Variants in KLC4 observed in about 807,000 individuals in gnomAD.
The protein encoded by KLC4 is kinesin light chain 4.
A neutral mutation model predicts 77.2 loss-of-function variants in KLC4; 49 were observed. That is an observed-to-expected ratio of 0.63 (90% CI 0.50 to 0.80). KLC4 has a LOEUF of 0.80. Ranked by LOEUF, KLC4 falls within the 30% of genes least tolerant of loss-of-function variation. The pLI is 0.00. For missense variants in KLC4, 669 were observed against 793.5 expected (o/e 0.84, Z 1.89); for synonymous variants, 274 against 314.5 (o/e 0.87, Z 1.36).
chr6:43,061,587 G>C lies in KLC4; in HGVS notation c.252G>C (p.Glu84Asp), dbSNP rs1298382268. 1 of 1,608,302 alleles carries C rather than the reference G, an allele frequency of 6.2e-7. No individual in the cohort carries two copies. Among genetic ancestry groups the C allele is most frequent in the South Asian group, 1.1e-5 (1 of 90,838 alleles). ...SMENIELGLS[E>D]AQVMLALASH... ...AAAACATTGAGCTCGGGCTGAGTGA[G>C]GCCCAGGTGAGAGGGCAAAGGTGGT... Residue 84 changes from glutamate (E) to aspartate (D), a missense_variant, in exon 2 of 16, where the codon GAG becomes GAC. Glu to Asp is a conservative substitution (Grantham distance 45). Transcript: ENST00000347162.
At chr6:43,071,517 C>T in intron 9 of KLC4, 50 bp from the exon 10 acceptor site, 2 of 1,595,984 alleles carry the variant, frequency 1.3e-6, no homozygotes, top group Non-Finnish European at 8.6e-7. Flanking sequence ...GGCTCTCCGA[C>T]ACTGTCTAGC....
intron 8 of KLC4, 22 bp from the exon 9 acceptor site, chr6:43,071,253 T>C (rs1386686947): frequency 6.6e-7 from 1 of 1,523,296 alleles, no homozygotes; most frequent in Non-Finnish European, 9.1e-7. Context: ...TGTTCCTGTA[T>C]TTTTGCCTTT....
At chr6:43,073,479 T>C in intron 14 of KLC4, 141 bp downstream of exon 14, 1 of 572,630 alleles carries the variant, frequency 1.7e-6, no homozygotes, top group Non-Finnish European at 3.1e-6. Flanking sequence ...GGTGAAACTC[T>C]CTCCTAAAAA....
intron 6 of KLC4, 27 bp downstream of exon 6, chr6:43,067,110 C>T (rs377055284): frequency 1.2e-6 from 2 of 1,602,736 alleles, no homozygotes; most frequent in Non-Finnish European, 1.7e-6. Flanking sequence ...CTCCCCACCC[C>T]ACGCCCCGCA....
chr6:43,065,343 G>A, intron 3 of KLC4: 1 of 326,560 alleles, frequency 3.1e-6, no homozygotes, highest in East Asian at 6.1e-5. Context: ...CAAAGTGCTG[G>A]GATTACAGGC....
At chr6:43,071,432 G>A in intron 9 of KLC4, 58 bp downstream of exon 9, 1 of 1,557,644 alleles carries the variant, frequency 6.4e-7, no homozygotes, top group East Asian at 2.2e-5. Flanking sequence ...TCAGACCAAA[G>A]GTCGGGGGTT....
intron 1 of KLC4, chr6:43,060,308 T>C (rs747869467): frequency 6.2e-7 from 1 of 1,606,718 alleles, no homozygotes; most frequent in Non-Finnish European, 8.5e-7. Context: ...TCTCTCTCAT[T>C]CCCTTCCTGG....
In KLC4 at chr6:43,073,914, G is replaced by A. The variant is rs1765850241; in HGVS notation, c.1758G>A (p.Lys586=). 2.5e-6 allele frequency: 4 copies of A among 1,614,126 alleles called. No homozygotes were observed. The East Asian group carries it at 6.7e-5, about 27-fold the overall frequency. The change falls in exon 15 of 16, where the codon AAG becomes AAA. Residue 586 remains lysine, a synonymous_variant. Transcript: ENST00000347162. ...TTTTCCATTGTAGCAGCAACATGAA[G>A]CGAGCAGCCTCCTTGAACTATCTGA... The part of the protein sequence containing the change: ...TEPRPSSSNM[K]RAASLNYLNQ...
chr6:43,073,354 A>G lies in KLC4; in HGVS notation c.1745+16A>G. The G allele has an allele frequency of 6.3e-7, 1 of 1,581,646 alleles. No individual in the cohort carries two copies. The highest frequency in any genetic ancestry group is 1.9e-4 in the Middle Eastern group (1 of 5,320). On this transcript the variant is annotated intron_variant, in intron 14 of 15. Coordinates refer to ENST00000347162, the MANE Select transcript of KLC4 (RefSeq NM_201521.3). Reference sequence around the variant, plus strand: ...GGCCCTCCAGGTATACATGGAAGTCAAGATACAGTAAAGTGGCCGGGTGCA... The same window carrying G: ...GGCCCTCCAGGTATACATGGAAGTCGAGATACAGTAAAGTGGCCGGGTGCA...
chr6:43,071,390 CTGGGGAAGGGGCTG>C lies in KLC4; in HGVS notation c.1255+25_1255+38del. On this transcript the variant is annotated intron_variant, in intron 9 of 15. Transcript: ENST00000347162. ...TCTGTGGATGGTGAGTGGTGAGGGC[CTGGGGAAGGGGCTG>C]TGGGGAAGAAAAGAAATTCAGACCA... The C allele has an allele frequency of 6.3e-7, 1 of 1,594,256 alleles. No individual in the cohort carries two copies. The highest frequency in any genetic ancestry group is 8.6e-7 in the Non-Finnish European group (1 of 1,162,218).
chr6:43,070,963 T>C, intron 8 of KLC4, 98 bp downstream of exon 8: 9 of 1,104,090 alleles, frequency 8.2e-6, no homozygotes, highest in African/African-American at 1.6e-5. Context: ...GGTCCTAGAG[T>C]CAGGAAGCAT....
intron 3 of KLC4, among the ~76,000 whole-genome samples, chr6:43,064,141 AGT>A (rs762666183): frequency 2.3e-4 from 35 of 152,266 alleles, no homozygotes; most frequent in Admixed American, 1.8e-3. Context: ...CCTGGCTGAG[AGT>A]GTGTGTTTTC....
intron 3 of KLC4, among the ~76,000 whole-genome samples, chr6:43,064,212 C>T (rs1346582306): frequency 2.0e-5 from 3 of 152,174 alleles, no homozygotes; most frequent in South Asian, 4.1e-4. Context: ...TGACAAAATA[C>T]AAAGCAGCAA....
intron 8 of KLC4, 37 bp from the exon 9 acceptor site, chr6:43,071,237 AT>A: frequency 5.7e-6 from 7 of 1,228,616 alleles, no homozygotes; most frequent in Non-Finnish European, 8.3e-6. Context: ...GCCTCCCTCC[AT>A]GTTTTGTTCC....
intron 6 of KLC4, among the ~76,000 whole-genome samples, chr6:43,069,033 A>AG (rs1253779097): frequency 6.6e-6 from 1 of 151,870 alleles, no homozygotes; most frequent in Non-Finnish European, 1.5e-5. Context: ...GCTTGAACCC[A>AG]GGAGGCTGAG....
chr6:43,074,613 C>A lies in KLC4; in HGVS notation c.1810-9C>A, dbSNP rs775417088. Reference sequence around the variant, plus strand: ...CCCTGAGCTGATGGGGTAGTGTTGTCTGTTTCAGGTCTCCCGGGGCCTCAG... The same window carrying A: ...CCCTGAGCTGATGGGGTAGTGTTGTATGTTTCAGGTCTCCCGGGGCCTCAG... On this transcript the variant is annotated splice_polypyrimidine_tract_variant and intron_variant, in intron 15 of 15. Transcript: ENST00000347162. The A allele has an allele frequency of 6.2e-7, 1 of 1,613,860 alleles. No individual in the cohort carries two copies. The highest frequency in any genetic ancestry group is 8.5e-7 in the Non-Finnish European group (1 of 1,179,758).
intron 6 of KLC4, among the ~76,000 whole-genome samples, chr6:43,069,227 AGTTT>A (rs781368481): frequency 1.3e-4 from 19 of 151,710 alleles, no homozygotes; most frequent in Non-Finnish European, 2.4e-4. Flanking sequence ...AAAAATGAAA[AGTTT>A]GTTTGTTTTG....
intron 7 of KLC4, 69 bp from the exon 8 acceptor site, chr6:43,070,623 C>G (rs187941557): frequency 3.3e-6 from 5 of 1,537,706 alleles, no homozygotes; most frequent in Non-Finnish European, 4.5e-6. Flanking sequence ...TGCCTACATG[C>G]AAACACACGT....
chr6:43,070,765 A>G lies in KLC4; in HGVS notation c.1055A>G (p.Lys352Arg). The change falls in exon 8 of 16, where the codon AAG (lysine) becomes AGG (arginine). Residue 352 changes from lysine (K) to arginine (R), a missense_variant. Coordinates refer to ENST00000347162, the MANE Select transcript of KLC4 (RefSeq NM_201521.3). ...GCCCTCTTGTGCCAAAACCAGGGCA[A>G]GTATGAGGCCGTGGAACGCTACTAC... ...NLALLCQNQGKYEAVERYYQR... is the reference protein window; with the variant it reads ...NLALLCQNQGRYEAVERYYQR... 1.9e-6 allele frequency: 3 copies of G among 1,614,214 alleles called. No individual in the cohort carries two copies. The South Asian group carries it at 3.3e-5, about 18-fold the overall frequency.
Sources: allele counts gnomAD v4.1 joint callset (sites outside exome capture counted in the v4.1 genomes callset), GRCh38; gene constraint gnomAD v4.1.1; transcripts MANE v1.5; gene names NCBI Gene and HGNC (gene_info 2026-07-23, HGNC 2026-07-21).